The following DNM3 variants were observed in gnomAD, a reference collection of about 807,000 sequenced individuals.
DNM3 encodes the protein dynamin-3.
Under a neutral mutation model 101.6 loss-of-function variants are expected in DNM3, and 47 were observed. That is an observed-to-expected ratio of 0.46 (90% CI 0.37 to 0.59). The LOEUF (loss-of-function observed/expected upper bound fraction) is 0.59, where lower values mean the gene tolerates loss of function less well. DNM3 is among the 20% of genes least tolerant of loss of function. The pLI is 0.00. For synonymous variants in DNM3, 385 were observed against 387.9 expected (o/e 0.99, Z 0.09); for missense variants, 849 against 1,085.7 (o/e 0.78, Z 3.06).
chr1:172,415,863 C>T (rs529832516), downstream of DNM3, among the ~76,000 whole-genome samples: 4 of 152,046 alleles, frequency 2.6e-5, no homozygotes, highest in Non-Finnish European at 5.9e-5. Flanking sequence ...AAGAAAAAAG[C>T]TATAAGGAAG....
intron 14 of DNM3, among the ~76,000 whole-genome samples, chr1:172,205,401 T>G (rs568477584): frequency 9.9e-5 from 15 of 152,226 alleles, no homozygotes; most frequent in African/African-American, 3.4e-4. Context: ...TTAAAAATAT[T>G]GAATACCCCT....
In DNM3 at chr1:171,926,083, C is replaced by T. The variant is rs376867516; in HGVS notation, c.235+4262C>T. On this transcript the variant is annotated intron_variant, in intron 2 of 20. Transcript: ENST00000627582. ...TATGTGTCTATTTTCATACAAGTAC[C>T]ATGCTGTTTTGGTTACTATAGCCTT... Among the ~76,000 whole-genome samples the T allele has an allele frequency of 3.5e-4, 53 of 152,164 alleles. 1 individual carries two copies. In the South Asian group the frequency reaches 0.011, roughly 30 times the overall value.
chr1:172,175,566 A>C lies in DNM3; in HGVS notation c.1659+44278A>C, dbSNP rs114509791. ...ATGTTAGAAATCCCATATTCTTTGA[A>C]GCTAAGTAAGTGGTATAGATAATAA... On this transcript the variant is annotated intron_variant, in intron 14 of 20. Coordinates refer to ENST00000627582, the MANE Select transcript of DNM3 (RefSeq NM_015569.5). 8.6e-3 allele frequency among the ~76,000 whole-genome samples: 1,300 copies of C among 151,876 alleles called. 23 individuals carry two copies. The highest frequency in any genetic ancestry group is 0.029 in the African/African-American group (1,213 of 41,480).
chr1:171,865,083 AATTT>A (rs2034583315), intron 1 of DNM3, among the ~76,000 whole-genome samples: 1 of 152,206 alleles, frequency 6.6e-6, no homozygotes, highest in African/African-American at 2.4e-5. Flanking sequence ...TTAAAATTTA[AATTT>A]ATTTATGTCT....
intron 15 of DNM3, among the ~76,000 whole-genome samples, chr1:172,280,011 T>C (rs1369707911): frequency 1.3e-5 from 2 of 152,168 alleles, no homozygotes; most frequent in Non-Finnish European, 2.9e-5. Context: ...ATTGTCTGGC[T>C]TCTGGCTCCT....
intron 1 of DNM3, among the ~76,000 whole-genome samples, chr1:171,871,702 C>G (rs187761656): frequency 1.6e-4 from 25 of 152,058 alleles, no homozygotes; most frequent in Non-Finnish European, 2.6e-4. Flanking sequence ...TTAATTGTTG[C>G]TTTATTTGTT....
chr1:171,861,032 T>A (rs1162739922), intron 1 of DNM3, among the ~76,000 whole-genome samples: 1 of 152,042 alleles, frequency 6.6e-6, no homozygotes, highest in Admixed American at 6.6e-5. Context: ...TGTCAATATA[T>A]CATTGATATT....
At position 172,410,655 on chromosome 1, in the gene DNM3, CT is replaced by C; in HGVS notation, c.*2818del. 1 of 985,258 alleles carries C rather than the reference CT, an allele frequency of 1.0e-6. No individual in the cohort carries two copies. The highest frequency in any genetic ancestry group is 1.2e-6 in the Non-Finnish European group (1 of 829,800). 61.0% of individuals were successfully genotyped at this position (985,258 alleles called of 1,614,324 possible). A position where few individuals can be genotyped will look rare whatever the true frequency, so the allele number is the denominator to read the frequency against. ...ACCAAGGTTACTCGTCTGAATATTG[CT>C]TTTAGCCGTGTTTTATAACATAGAC... On this transcript the variant is annotated 3_prime_UTR_variant, in exon 21 of 21. Coordinates refer to ENST00000627582, the MANE Select transcript of DNM3 (RefSeq NM_015569.5).
At chr1:172,123,275 A>G (rs1042231010) in intron 13 of DNM3, among the ~76,000 whole-genome samples, 1 of 152,142 alleles carries the variant, frequency 6.6e-6, no homozygotes, top group Admixed American at 6.6e-5. Flanking sequence ...AAATCCCTTC[A>G]TATATACTTC....
intron 14 of DNM3, among the ~76,000 whole-genome samples, chr1:172,236,208 G>C (rs1236891219): frequency 2.0e-5 from 3 of 152,078 alleles, no homozygotes; most frequent in South Asian, 2.1e-4. Context: ...TGGTTTTCCT[G>C]CTCTTGCCCC....
At chr1:172,377,478 G>T (rs1310674445) in intron 17 of DNM3, among the ~76,000 whole-genome samples, 2 of 149,264 alleles carry the variant, frequency 1.3e-5, no homozygotes, top group African/African-American at 5.0e-5. Flanking sequence ...TCCTAATGGA[G>T]GCTTATATTT....
chr1:171,947,552 CA>C (rs1248123097), intron 2 of DNM3, among the ~76,000 whole-genome samples: 9 of 152,238 alleles, frequency 5.9e-5, no homozygotes, highest in Admixed American at 5.2e-4. Flanking sequence ...ATTTACTTTT[CA>C]AGAGCTTATT....
chr1:171,915,163 T>G (rs904914629), intron 1 of DNM3, among the ~76,000 whole-genome samples: 6 of 152,216 alleles, frequency 3.9e-5, no homozygotes, highest in Non-Finnish European at 5.9e-5. Flanking sequence ...TTAAATTAAT[T>G]GTAAGAAGTT....
chr1:172,347,514 A>G (rs2067001919), intron 17 of DNM3, among the ~76,000 whole-genome samples: 1 of 152,230 alleles, frequency 6.6e-6, no homozygotes, highest in South Asian at 2.1e-4. Flanking sequence ...GAAATAAAAT[A>G]TAATCACTGC....
At chr1:172,317,611 C>T (rs2065452054) in intron 16 of DNM3, among the ~76,000 whole-genome samples, 1 of 152,202 alleles carries the variant, frequency 6.6e-6, no homozygotes, top group Non-Finnish European at 1.5e-5. Flanking sequence ...CTACCAACAC[C>T]TCTATGCAAA....
chr1:172,048,511 G>C, intron 9 of DNM3, 101 bp from the exon 10 acceptor site: 1 of 1,377,114 alleles, frequency 7.3e-7, no homozygotes, highest in East Asian at 2.5e-5. Context: ...TCTATTACAT[G>C]CTTAATTTAA....
rs145485687 is a variant in DNM3, at chr1:172,019,448, G to A, written c.590-12954G>A. Among the ~76,000 whole-genome samples the A allele has an allele frequency of 6.1e-3, 899 of 147,922 alleles. 6 individuals are homozygous for A. The highest frequency in any genetic ancestry group is 9.7e-3 in the Non-Finnish European group (647 of 66,962). On this transcript the variant is annotated intron_variant, in intron 4 of 20. Coordinates refer to ENST00000627582, the MANE Select transcript of DNM3 (RefSeq NM_015569.5). ...TTTTTTTGTATTTTAAATATACTAT[G>A]CCTAGTTATAGCTTTTGGGGGGCAT...
At chr1:172,135,088 G>A (rs2057142751) in intron 14 of DNM3, among the ~76,000 whole-genome samples, 1 of 152,140 alleles carries the variant, frequency 6.6e-6, no homozygotes, top group Non-Finnish European at 1.5e-5. Flanking sequence ...ATTGTGGTCT[G>A]CATAGATAAT....
In DNM3 at chr1:172,132,931, A is replaced by C. The variant is rs376513366; in HGVS notation, c.1659+1643A>C. On this transcript the variant is annotated intron_variant, in intron 14 of 20. Transcript: ENST00000627582. Reference sequence around the variant, plus strand: ...AGGATAACCAACTTACCAAAGTCACACAGCTAGTTGGTGGCAAAGCAGAAA... The same window carrying C: ...AGGATAACCAACTTACCAAAGTCACCCAGCTAGTTGGTGGCAAAGCAGAAA... 40 of 1,386,310 alleles carry C rather than the reference A, an allele frequency of 2.9e-5. 1 individual carries two copies. In the African/African-American group the frequency reaches 3.7e-4, roughly 13 times the overall value. 85.9% of individuals were successfully genotyped at this position (1,386,310 alleles called of 1,614,324 possible). A position where few individuals can be genotyped will look rare whatever the true frequency, so the allele number is the denominator to read the frequency against.
Sources: allele counts gnomAD v4.1 joint callset (sites outside exome capture counted in the v4.1 genomes callset), GRCh38; gene constraint gnomAD v4.1.1; transcripts MANE v1.5; gene names NCBI Gene and HGNC (gene_info 2026-07-23, HGNC 2026-07-21).